The following TXNDC11 variants were observed in gnomAD, a reference collection of about 807,000 sequenced individuals.
The protein encoded by TXNDC11 is thioredoxin domain containing 11, also known as thioredoxin domain-containing protein 11.
In TXNDC11, 68 loss-of-function variants were observed where a neutral mutation model predicts 78.0. The ratio of observed to expected loss-of-function variants is 0.87; its 90% CI spans 0.72 to 1.07. The LOEUF (loss-of-function observed/expected upper bound fraction) is 1.07, where lower values mean the gene tolerates loss of function less well. TXNDC11 is among the 50% of genes least tolerant of loss of function. The pLI, the probability that TXNDC11 is intolerant of heterozygous loss-of-function variation, is 0.00. For missense variants in TXNDC11, 1,389 were observed against 1,221.8 expected, an observed-to-expected ratio of 1.14 and a Z score of -2.04; for synonymous variants, 571 against 495.2, an observed-to-expected ratio of 1.15 and a Z score of -2.03.
intron 7 of TXNDC11, 80 bp downstream of exon 7, chr16:11,698,045 A>T (rs1366631821): frequency 7.4e-7 from 1 of 1,345,856 alleles, no homozygotes; most frequent in Non-Finnish European, 1.1e-6. Context: ...AGAGTAAATG[A>T]CTGAGTGTGG....
At chr16:11,714,976 C>T (rs978080426) in intron 5 of TXNDC11, among the ~76,000 whole-genome samples, 7 of 152,112 alleles carry the variant, frequency 4.6e-5, no homozygotes, top group African/African-American at 1.7e-4. Flanking sequence ...TGTGGCCGGG[C>T]GTGGTGGCTC....
intron 4 of TXNDC11, among the ~76,000 whole-genome samples, chr16:11,726,226 CA>C (rs1209066992): frequency 2.7e-5 from 4 of 148,478 alleles, no homozygotes; most frequent in Non-Finnish European, 4.5e-5. Flanking sequence ...ATGATTAGCG[CA>C]ATGTGATATT....
chr16:11,699,104 C>T (rs749047622), intron 6 of TXNDC11, among the ~76,000 whole-genome samples: 3 of 152,162 alleles, frequency 2.0e-5, no homozygotes, highest in Admixed American at 6.5e-5. Flanking sequence ...CTCCTCAAAA[C>T]GAAGATTTAA....
intron 7 of TXNDC11, 173 bp from the exon 8 acceptor site, chr16:11,692,255 C>T: frequency 1.7e-6 from 1 of 598,730 alleles, no homozygotes. Context: ...CTACATGTCG[C>T]TCTGAGTAGT....
chr16:11,717,790 C>T (rs1338407639), intron 5 of TXNDC11, among the ~76,000 whole-genome samples: 4 of 151,238 alleles, frequency 2.6e-5, no homozygotes, highest in African/African-American at 9.8e-5. Flanking sequence ...CACTGCACTC[C>T]AGCCTGAACG....
intron 11 of TXNDC11, 42 bp downstream of exon 11, chr16:11,684,123 A>T (rs766080773): frequency 5.1e-6 from 7 of 1,383,302 alleles, no homozygotes; most frequent in Non-Finnish European, 7.2e-6. Flanking sequence ...ACCTCCACAA[A>T]AGAATCCCAA....
chr16:11,698,423 G>A, intron 6 of TXNDC11, 98 bp from the exon 7 acceptor site: 1 of 1,063,500 alleles, frequency 9.4e-7, no homozygotes, highest in Non-Finnish European at 1.4e-6. Context: ...CTAAGGGTGA[G>A]AAAACCCAGG....
Position 11,742,638 on chromosome 16 carries a change from G to C in TXNDC11, c.93C>G (p.Asp31Glu), listed in dbSNP as rs961878540. Residue 31 changes from aspartate (D) to glutamate (E), a missense_variant, in exon 1 of 12, where the codon GAC (aspartate) becomes GAG (glutamate). Coordinates refer to ENST00000283033, the MANE Select transcript of TXNDC11 (RefSeq NM_015914.7). ...CCAGGGTCGGGCTCGAGCTGAGGCA[G>C]TCTGAGCCCGCGGGGCCGCCGCCGC... The part of the protein sequence containing the change: ...GGGGGGPAGS[D>E]CLSSSPTLAT... The C allele has an allele frequency of 4.8e-6, 7 of 1,459,730 alleles. No homozygotes were observed. Among genetic ancestry groups the C allele is most frequent in the African/African-American group, 1.5e-5 (1 of 67,926 alleles). The allele number at this position is 1,459,730 out of a possible 1,614,324, so 90.4% of individuals were successfully genotyped here.
At chr16:11,725,864 G>A (rs1425740278) in intron 4 of TXNDC11, among the ~76,000 whole-genome samples, 1 of 152,060 alleles carries the variant, frequency 6.6e-6, no homozygotes, top group Non-Finnish European at 1.5e-5. Flanking sequence ...AATTGTTTCT[G>A]GTCTCAGAGT....
Position 11,698,327 on chromosome 16 carries a change from T to C in TXNDC11, c.907-2A>G. 1 of 1,612,826 alleles carries C rather than the reference T, an allele frequency of 6.2e-7. No homozygotes were observed. Among genetic ancestry groups the C allele is most frequent in the Non-Finnish European group, 8.5e-7 (1 of 1,179,868 alleles). The stretch of plus-strand genomic sequence containing the variant: ...GTTCAGGACCTCCCTGGGGAAGACC[T>C]GTGAAGGACAAAGGCACAGAGGATA... On this transcript the variant is annotated splice_acceptor_variant, in intron 6 of 11. Coordinates refer to ENST00000283033, the MANE Select transcript of TXNDC11 (RefSeq NM_015914.7). LOFTEE classifies it high-confidence loss of function.
rs1407339279 is a variant in TXNDC11 at position 11,691,476 on chromosome 16, G to A, written c.1714C>T (p.Leu572=). ...AGAGTCTTGTTGGTTCTGCAGCTCAGGCCTGTGAAGTTTGTGCTAGTCATG... is the reference window on the plus strand; with the variant it reads ...AGAGTCTTGTTGGTTCTGCAGCTCAAGCCTGTGAAGTTTGTGCTAGTCATG... ...VDMTSTNFTG[L]SCRTNKTLNI... Residue 572 remains leucine, a synonymous_variant, in exon 8 of 12, where the codon CTG becomes TTG. Coordinates refer to ENST00000283033, the MANE Select transcript of TXNDC11 (RefSeq NM_015914.7). The A allele has an allele frequency of 1.9e-6, 3 of 1,614,198 alleles. No individual in the cohort carries two copies. In the South Asian group the frequency reaches 3.3e-5, roughly 18 times the overall value.
chr16:11,737,388 T>C (rs1002679495), intron 1 of TXNDC11, among the ~76,000 whole-genome samples: 1 of 149,608 alleles, frequency 6.7e-6, no homozygotes, highest in Admixed American at 6.7e-5. Flanking sequence ...GAGGTTGCAG[T>C]GAGCCGAGAT....
chr16:11,729,993 C>T (rs1344088876), intron 4 of TXNDC11, among the ~76,000 whole-genome samples: 2 of 152,094 alleles, frequency 1.3e-5, no homozygotes, highest in Non-Finnish European at 2.9e-5. Flanking sequence ...ACTTGGGTGG[C>T]TGAGGCACAA....
intron 5 of TXNDC11, among the ~76,000 whole-genome samples, chr16:11,701,965 T>A (rs528447144): frequency 2.0e-5 from 3 of 150,264 alleles, no homozygotes; most frequent in Non-Finnish European, 4.4e-5. Flanking sequence ...TTAAAAACAA[T>A]GAGGCAGGAC....
intron 1 of TXNDC11, among the ~76,000 whole-genome samples, chr16:11,740,215 G>A (rs912146350): frequency 1.3e-5 from 2 of 151,362 alleles, no homozygotes; most frequent in African/African-American, 4.9e-5. Flanking sequence ...TCTTAAAACT[G>A]AAAGAGGAAA....
intron 1 of TXNDC11, among the ~76,000 whole-genome samples, chr16:11,738,056 A>T (rs889297440): frequency 2.6e-5 from 4 of 152,184 alleles, no homozygotes; most frequent in Non-Finnish European, 4.4e-5. Flanking sequence ...AGGTAAAATG[A>T]TAAACTGGGG....
chr16:11,687,078 A>T (rs2050585983), intron 10 of TXNDC11, among the ~76,000 whole-genome samples: 1 of 152,196 alleles, frequency 6.6e-6, no homozygotes, highest in Non-Finnish European at 1.5e-5. Flanking sequence ...ACACTGGAAA[A>T]TATATTAATG....
At chr16:11,709,161 A>T (rs559082398) in intron 5 of TXNDC11, among the ~76,000 whole-genome samples, 2 of 152,290 alleles carry the variant, frequency 1.3e-5, no homozygotes, top group East Asian at 3.9e-4. Context: ...GCACAAAGCA[A>T]TTATTTAGAA....
rs189069276 is a variant in TXNDC11, at chr16:11,691,946, G to A, written c.1244C>T (p.Pro415Leu). ...GCAGGGGGACGCTGTGATCGTTGGC[G>A]GGTCTGGCAGCTGTGCCGGCACTTC... Reference protein sequence around the residue: ...ALEVPAQLPDPPTITASPCCN... With the variant: ...ALEVPAQLPDLPTITASPCCN... The change falls in exon 8 of 12, where the codon CCG becomes CTG. Residue 415 changes from proline to leucine, a missense_variant. By Grantham distance (98) the Pro-to-Leu change is moderately conservative. Coordinates refer to ENST00000283033, the MANE Select transcript of TXNDC11 (RefSeq NM_015914.7). 46 of 1,611,588 alleles carry A rather than the reference G, an allele frequency of 2.9e-5. No homozygotes were observed. In the Middle Eastern group the frequency reaches 5.0e-4, roughly 17 times the overall value.
Sources: allele counts gnomAD v4.1 joint callset (sites outside exome capture counted in the v4.1 genomes callset), GRCh38; gene constraint gnomAD v4.1.1; transcripts MANE v1.5; gene names NCBI Gene and HGNC (gene_info 2026-07-23, HGNC 2026-07-21).